Variants in PTPRN2 observed in about 807,000 individuals in gnomAD.
The protein encoded by PTPRN2 is protein tyrosine phosphatase receptor type N2.
PTPRN2 carries 74 observed loss-of-function variants against 118.8 expected under a neutral mutation model. The observed-to-expected ratio is 0.62, with a 90% CI of 0.52 to 0.76. PTPRN2 has a LOEUF of 0.76. Ranked by LOEUF, PTPRN2 falls within the 30% of genes least tolerant of loss-of-function variation. The pLI is 0.00. For synonymous variants in PTPRN2, 641 were observed against 608.0 expected, an observed-to-expected ratio of 1.05 and a Z score of -0.80; for missense variants, 1,481 against 1,394.4, an observed-to-expected ratio of 1.06 and a Z score of -0.99.
chr7:158,389,899 C>T (rs1469919362), intron 2 of PTPRN2, among the ~76,000 whole-genome samples: 1 of 152,240 alleles, frequency 6.6e-6, no homozygotes, highest in African/African-American at 2.4e-5. Context: ...ATCCAGAAAG[C>T]AGGGCCCTGG....
rs1394619085 is a variant in PTPRN2, at chr7:158,033,032, G to C, written c.1723+48266C>G. Among the ~76,000 whole-genome samples, 3 of 151,990 alleles carry C rather than the reference G, an allele frequency of 2.0e-5. No individual in the cohort carries two copies. The East Asian group carries it at 5.8e-4, about 29-fold the overall frequency. Reference sequence around the variant, plus strand: ...TGTAAGTCGCTCACTGATGCAATCAGCCAACTTCTGTCTCCCAGGTGCTGT... The same window carrying C: ...TGTAAGTCGCTCACTGATGCAATCACCCAACTTCTGTCTCCCAGGTGCTGT... On this transcript the variant is annotated intron_variant, in intron 11 of 22. Coordinates refer to ENST00000389418, the MANE Select transcript of PTPRN2 (RefSeq NM_002847.5).
At chr7:158,075,039 G>A (rs112003294) in intron 11 of PTPRN2, among the ~76,000 whole-genome samples, 3 of 54,572 alleles carry the variant, frequency 5.5e-5, no homozygotes, top group African/African-American at 3.0e-4. Context: ...ACAGCGTTGT[G>A]TTGTCTGCGC....
chr7:158,146,807 G>C (rs1281460201), intron 6 of PTPRN2, among the ~76,000 whole-genome samples: 6 of 151,848 alleles, frequency 4.0e-5, no homozygotes, highest in Admixed American at 1.3e-4. Flanking sequence ...TCTCACACCA[G>C]CACAGACACA....
At chr7:157,776,318 TCTCCTCCTCCTCCATCTC>T (rs1333202127) in intron 12 of PTPRN2, among the ~76,000 whole-genome samples, 1 of 31,802 alleles carries the variant, frequency 3.1e-5, no homozygotes, top group Non-Finnish European at 6.1e-5. Context: ...TCTTCCTCCC[TCTCCTCCTCCTCCATCTC>T]CTCCTCCTCC....
At position 157,963,060 on chromosome 7, in the gene PTPRN2, G is replaced by A. The variant is rs192648691; in HGVS notation, c.1724-64323C>T. ...AGCATGCAGAGAAGCAAGTCCACAC[G>A]GCAGACACTCAGCCAGCGCAGCGCC... is the stretch of plus-strand genomic sequence containing the variant. On this transcript the variant is annotated intron_variant, in intron 11 of 22. Coordinates refer to ENST00000389418, the MANE Select transcript of PTPRN2 (RefSeq NM_002847.5). Among the ~76,000 whole-genome samples the A allele has an allele frequency of 8.5e-5, 13 of 152,348 alleles. No individual in the cohort carries two copies. In the East Asian group the frequency reaches 9.6e-4, roughly 11 times the overall value.
chr7:157,740,314 A>G (rs1240184432), intron 12 of PTPRN2: 1 of 152,062 alleles, frequency 6.6e-6, no homozygotes, highest in East Asian at 1.9e-4. Flanking sequence ...CAGAAAAGCC[A>G]CCAGAGAACC....
At chr7:158,246,662 G>A (rs527716724) in intron 3 of PTPRN2, among the ~76,000 whole-genome samples, 46 of 152,028 alleles carry the variant, frequency 3.0e-4, no homozygotes, top group Admixed American at 1.0e-3. Context: ...GCAACCAAAA[G>A]CATATGGTTT....
At chr7:158,018,966 CAAAAAAAAAAAAAA>C (rs753498681) in intron 11 of PTPRN2, among the ~76,000 whole-genome samples, 19 of 65,832 alleles carry the variant, frequency 2.9e-4, no homozygotes, top group Non-Finnish European at 4.3e-4. Context: ...GTTTCAAAAA[CAAAAAAAAAAAAAA>C]AAAAAAAAAA....
intron 5 of PTPRN2, among the ~76,000 whole-genome samples, chr7:158,168,315 TCA>T (rs933179980): frequency 6.6e-6 from 1 of 152,232 alleles, no homozygotes; most frequent in Admixed American, 6.5e-5. Context: ...GTTACTGCAT[TCA>T]CAGCAATGAG....
intron 2 of PTPRN2, among the ~76,000 whole-genome samples, chr7:158,432,287 C>A (rs536630199): frequency 8.5e-5 from 13 of 152,210 alleles, no homozygotes; most frequent in Admixed American, 8.5e-4. Flanking sequence ...GCGAAAGCAC[C>A]GGGCGCTCCA....
chr7:157,569,391 C>T (rs985599070), intron 20 of PTPRN2, among the ~76,000 whole-genome samples: 2 of 152,226 alleles, frequency 1.3e-5, no homozygotes, highest in Admixed American at 6.5e-5. Context: ...GGGCGCTGGG[C>T]GGCTGGGCCC....
At chr7:158,572,181 T>G (rs187178638) in intron 1 of PTPRN2, among the ~76,000 whole-genome samples, 1 of 152,308 alleles carries the variant, frequency 6.6e-6, no homozygotes, top group Admixed American at 6.5e-5. Context: ...TTCAGTACAA[T>G]GTTCTGAAAA....
rs1027775573 is a variant in PTPRN2, at chr7:157,779,907, C to T, written c.1789-96970G>A. Among the ~76,000 whole-genome samples, 3 of 152,152 alleles carry T rather than the reference C, an allele frequency of 2.0e-5. No individual in the cohort carries two copies. Among genetic ancestry groups the T allele is most frequent in the East Asian group, 1.9e-4 (1 of 5,192 alleles). On this transcript the variant is annotated intron_variant, in intron 12 of 22. Transcript: ENST00000389418. The surrounding 1 kb of genome is among the most constrained non-coding windows in gnomAD (Gnocchi z 4.7). ...CTGATACCATCGACGTACAACACGC[C>T]GCAAGCAGCCCTCGAGGAATGGAAA...
intron 3 of PTPRN2, among the ~76,000 whole-genome samples, chr7:158,309,197 T>A (rs1337013903): frequency 6.6e-6 from 1 of 152,216 alleles, no homozygotes; most frequent in Non-Finnish European, 1.5e-5. Context: ...GGTGTGTCTG[T>A]GAGGGCATTT....
At chr7:158,226,414 A>C (rs1438394693) in intron 3 of PTPRN2, among the ~76,000 whole-genome samples, 1 of 152,206 alleles carries the variant, frequency 6.6e-6, no homozygotes, top group Non-Finnish European at 1.5e-5. Context: ...CTGGGAACAC[A>C]CCAGGTTTGT....
intron 11 of PTPRN2, among the ~76,000 whole-genome samples, chr7:158,017,154 C>T (rs1209421438): frequency 6.6e-6 from 1 of 152,214 alleles, no homozygotes; most frequent in Non-Finnish European, 1.5e-5. Flanking sequence ...TGCTTTAAAA[C>T]GATAGCAAGG....
At chr7:157,651,752 C>T (rs899895542) in intron 14 of PTPRN2, among the ~76,000 whole-genome samples, 7 of 152,230 alleles carry the variant, frequency 4.6e-5, no homozygotes, top group East Asian at 3.8e-4. Flanking sequence ...AACACGCAGC[C>T]GCTTTGATAA....
At chr7:157,696,975 C>T (rs377244666) in intron 12 of PTPRN2, among the ~76,000 whole-genome samples, 1 of 105,098 alleles carries the variant, frequency 9.5e-6, no homozygotes, top group Non-Finnish European at 2.0e-5. Flanking sequence ...CACCGTCTAC[C>T]CATGCATACT....
chr7:157,821,200 G>C (rs1260645860), intron 12 of PTPRN2, among the ~76,000 whole-genome samples: 3 of 152,250 alleles, frequency 2.0e-5, no homozygotes, highest in Non-Finnish European at 4.4e-5. Flanking sequence ...CCTGTGAACA[G>C]TGCTGTCCTC....
Sources: gnomAD v4.1 joint callset for allele counts (sites outside exome capture counted in the v4.1 genomes callset) on GRCh38, gnomAD v4.1.1 for gene constraint, Gnocchi (gnomAD v3.1) non-coding constraint, MANE v1.5 for transcripts, NCBI Gene and HGNC (gene_info 2026-07-23, HGNC 2026-07-21) for gene names.